PLB1: variants seen among roughly 807,000 people sequenced by gnomAD.
PLB1 encodes phospholipase B1.
PLB1 carries 242 observed loss-of-function variants against 227.4 expected under a neutral mutation model. The observed-to-expected ratio is 1.06, with a 90% CI of 0.96 to 1.18. PLB1 has a LOEUF of 1.18. Among genes scored for constraint, PLB1 ranks in the 50% most tolerant of loss-of-function variants. The pLI is 0.00. For missense variants in PLB1, 1,858 were observed against 1,816.3 expected (o/e 1.02, Z -0.42); for synonymous variants, 757 against 682.2 (o/e 1.11, Z -1.71).
At chr2:28,509,626 GTTT>G (rs937664396) in intron 1 of PLB1, among the ~76,000 whole-genome samples, 3 of 151,960 alleles carry the variant, frequency 2.0e-5, no homozygotes, top group Non-Finnish European at 4.4e-5. Flanking sequence ...ATACACAAGT[GTTT>G]TTTTTCTTGC....
At position 28,536,963 on chromosome 2, in the gene PLB1, C is replaced by T. The variant is rs541333768; in HGVS notation, c.556-1356C>T. 1.4e-4 allele frequency among the ~76,000 whole-genome samples: 21 copies of T among 152,268 alleles called. No individual in the cohort carries two copies. In the East Asian group the frequency reaches 1.9e-3, roughly 14 times the overall value. ...ACAGGGTCCCCCGCCTCTCCAGGGA[C>T]GGTGGGTATGGTTCAGATGGGCAGC... On this transcript the variant is annotated intron_variant, in intron 9 of 57. Coordinates refer to ENST00000327757, the MANE Select transcript of PLB1 (RefSeq NM_153021.5).
intron 49 of PLB1, 100 bp downstream of exon 49, chr2:28,621,078 A>G (rs1686990984): frequency 1.1e-6 from 1 of 933,060 alleles, no homozygotes; most frequent in Non-Finnish European, 1.7e-6. Flanking sequence ...GCCTGGTCCC[A>G]GGGGCAATAG....
chr2:28,638,252 C>T (rs1379824804), intron 56 of PLB1, among the ~76,000 whole-genome samples: 2 of 151,544 alleles, frequency 1.3e-5, no homozygotes, highest in African/African-American at 4.9e-5. Context: ...GGGAGGCCTC[C>T]CTGAAGAAGT....
chr2:28,590,107 C>T (rs200574856), intron 29 of PLB1, 31 bp downstream of exon 29: 24 of 1,562,876 alleles, frequency 1.5e-5, no homozygotes, highest in East Asian at 9.0e-5. Flanking sequence ...TTCCAGGCTC[C>T]GGCTGCACTG....
intron 40 of PLB1, 39 bp downstream of exon 40, chr2:28,604,086 T>A: frequency 6.5e-7 from 1 of 1,547,882 alleles, no homozygotes; most frequent in African/African-American, 1.4e-5. Flanking sequence ...TCCTCTCCCC[T>A]ACGTTCACTC....
chr2:28,539,314 C>G, intron 11 of PLB1, 136 bp downstream of exon 11: 1 of 772,800 alleles, frequency 1.3e-6, no homozygotes, highest in Non-Finnish European at 2.2e-6. Context: ...GAAACACATG[C>G]GAGCTCACAC....
chr2:28,613,987 C>G, intron 43 of PLB1, 44 bp from the exon 44 acceptor site: 2 of 1,517,382 alleles, frequency 1.3e-6, no homozygotes, highest in South Asian at 2.2e-5. Context: ...AAGCAAACTT[C>G]AGTGCTGTCA....
At chr2:28,564,078 A>T (rs550727802) in intron 18 of PLB1, among the ~76,000 whole-genome samples, 4 of 152,158 alleles carry the variant, frequency 2.6e-5, no homozygotes, top group Non-Finnish European at 5.9e-5. Flanking sequence ...AATCTCTACA[A>T]AAAAGAAAAG....
At chr2:28,550,467 C>G (rs199634954) in intron 16 of PLB1, among the ~76,000 whole-genome samples, 1 of 151,682 alleles carries the variant, frequency 6.6e-6, no homozygotes, top group African/African-American at 2.4e-5. Flanking sequence ...TGAGCCACGG[C>G]GCCCAGCCTG....
rs143758328 is a variant in PLB1 at position 28,604,045 on chromosome 2, C to G, written c.2854C>G (p.Arg952Gly). 6.2e-7 allele frequency: 1 copy of G among 1,612,788 alleles called. No individual in the cohort carries two copies. ...ARLEAFSRAY[R>G]SSMRELVGSG... ...GCTGGAGGCCTTCAGCCGAGCCTACCGGGTAAGACCAAGAAGGGCACCATG... is the reference window on the plus strand; with the variant it reads ...GCTGGAGGCCTTCAGCCGAGCCTACGGGGTAAGACCAAGAAGGGCACCATG... The change falls in exon 40 of 58, where the codon CGG (arginine) becomes GGG (glycine). Residue 952 changes from arginine to glycine, a missense_variant and splice_region_variant. Physicochemically the swap from Arg to Gly is moderately radical, Grantham distance 125 (BLOSUM62 -2). Transcript: ENST00000327757.
At chr2:28,542,098 A>C (rs1368691167) in intron 13 of PLB1, among the ~76,000 whole-genome samples, 2 of 147,238 alleles carry the variant, frequency 1.4e-5, no homozygotes, top group Non-Finnish European at 3.0e-5. Context: ...CTGCCACTGC[A>C]CTCCAGCCTG....
At chr2:28,511,157 T>C (rs1044068911) in intron 1 of PLB1, among the ~76,000 whole-genome samples, 5 of 152,222 alleles carry the variant, frequency 3.3e-5, no homozygotes, top group South Asian at 2.1e-4. Flanking sequence ...TCCATCCAAA[T>C]CTGCCCACAA....
rs1042454855 is a variant in PLB1, at chr2:28,577,135, G to C, written c.1434-972G>C. Among the ~76,000 whole-genome samples the C allele has an allele frequency of 2.6e-5, 4 of 152,190 alleles. 1 individual carries two copies. The South Asian group carries it at 8.3e-4, about 32-fold the overall frequency. ...TATGTTACCATGCTCATTTCCCAAA[G>C]GGAAAAACTGAGGATTTGCAGGATC... On this transcript the variant is annotated intron_variant, in intron 21 of 57. Coordinates refer to ENST00000327757, the MANE Select transcript of PLB1 (RefSeq NM_153021.5).
At chr2:28,554,892 A>G (rs1031365353) in intron 17 of PLB1, among the ~76,000 whole-genome samples, 1 of 152,086 alleles carries the variant, frequency 6.6e-6, no homozygotes, top group Non-Finnish European at 1.5e-5. Flanking sequence ...AGAAATCTCA[A>G]GGCCTTAAAA....
chr2:28,510,132 A>G (rs185720265), intron 1 of PLB1, among the ~76,000 whole-genome samples: 15 of 152,354 alleles, frequency 9.8e-5, no homozygotes, highest in East Asian at 3.9e-4. Context: ...AAGATGGTCT[A>G]TGCTGAAATT....
At chr2:28,548,704 C>A in intron 14 of PLB1, 156 bp from the exon 15 acceptor site, 1 of 719,006 alleles carries the variant, frequency 1.4e-6, no homozygotes, top group African/African-American at 1.7e-5. Context: ...GCCCCAGAGT[C>A]TCAGACTCAG....
intron 56 of PLB1, among the ~76,000 whole-genome samples, chr2:28,639,557 TGAA>T (rs1423000569): frequency 2.0e-5 from 3 of 151,810 alleles, no homozygotes; most frequent in African/African-American, 7.3e-5. Flanking sequence ...AAAGGGCAGG[TGAA>T]GGAGGGGAGA....
At chr2:28,581,456 A>T (rs1679925052) in intron 23 of PLB1, among the ~76,000 whole-genome samples, 1 of 150,070 alleles carries the variant, frequency 6.7e-6, no homozygotes, top group African/African-American at 2.5e-5. Context: ...CAGTTAGTGG[A>T]TATGGAGTAG....
chr2:28,639,656 A>G (rs569220480), intron 56 of PLB1, among the ~76,000 whole-genome samples: 76 of 152,370 alleles, frequency 5.0e-4, no homozygotes, highest in African/African-American at 1.8e-3. Flanking sequence ...AATCACGATC[A>G]TCTTCTGTGT....
Sources: allele counts gnomAD v4.1 joint callset (sites outside exome capture counted in the v4.1 genomes callset), GRCh38; gene constraint gnomAD v4.1.1; transcripts MANE v1.5; gene names NCBI Gene and HGNC (gene_info 2026-07-23, HGNC 2026-07-21).